Variants in IZUMO3 observed in about 807,000 individuals in gnomAD.
IZUMO3 encodes the protein izumo sperm-egg fusion protein 3.
IZUMO3 carries 36 observed loss-of-function variants against 28.4 expected under a neutral mutation model. The observed-to-expected ratio is 1.27, with a 90% CI of 0.97 to 1.67. IZUMO3 has a LOEUF of 1.67. Among genes scored for constraint, IZUMO3 ranks in the 40% most tolerant of loss-of-function variants. IZUMO3 has a pLI of 0.00. For missense variants in IZUMO3, 387 were observed against 278.5 expected, an observed-to-expected ratio of 1.39 and a Z score of -2.77; for synonymous variants, 126 against 99.2, an observed-to-expected ratio of 1.27 and a Z score of -1.61.
Position 24,545,661 on chromosome 9 carries a change from C to A in IZUMO3, c.-12G>T. The A allele has an allele frequency of 1.3e-6, 2 of 1,534,740 alleles. No homozygotes were observed. The highest frequency in any genetic ancestry group is 1.7e-6 in the Non-Finnish European group (2 of 1,146,564). On this transcript the variant is annotated 5_prime_UTR_variant, in exon 1 of 7. Coordinates refer to ENST00000543880, the MANE Select transcript of IZUMO3 (RefSeq NM_001365008.2). ...CACAGGTCACCCATTTCTTTCTTCA[C>A]CCCCGCTCCCCGACAGCAGGTTGTC... is the stretch of plus-strand genomic sequence containing the variant.
In IZUMO3 at chr9:24,545,555, A is replaced by G. The variant is rs1260746168; in HGVS notation, c.95T>C (p.Val32Ala). 3.3e-6 allele frequency: 5 copies of G among 1,535,256 alleles called. No homozygotes were observed. The African/African-American group carries it at 6.8e-5, about 21-fold the overall frequency. Residue 32 changes from valine (V) to alanine (A), a missense_variant, in exon 1 of 7, where the codon GTT (valine) becomes GCT (alanine). Coordinates refer to ENST00000543880, the MANE Select transcript of IZUMO3 (RefSeq NM_001365008.2). Reference protein sequence around the residue: ...LECDPKFIEDVGSLLGNLIPS... With the variant: ...LECDPKFIEDAGSLLGNLIPS... ...TATCAGATTTCCCAGCAAGGAGCCA[A>G]CATCCTCTATAAATTTGGGGTCACA... is the stretch of plus-strand genomic sequence containing the variant.
rs1819569488 is a variant in IZUMO3 at position 24,545,427 on chromosome 9, A to G, written c.223T>C (p.Leu75=). Reference sequence around the variant, plus strand: ...CAGGAACTCAAGCTTCCCTCACCCAACACCCGAAGCCTCTTGTCACTGTGG... The same window carrying G: ...CAGGAACTCAAGCTTCCCTCACCCAGCACCCGAAGCCTCTTGTCACTGTGG... ...VSHSDKRLRV[L]AVQQVVKLRT... The change falls in exon 1 of 7, where the codon TTG becomes CTG. Residue 75 remains leucine (L), a synonymous_variant. Transcript: ENST00000543880. The G allele has an allele frequency of 6.5e-6, 10 of 1,540,146 alleles. No individual in the cohort carries two copies. Among genetic ancestry groups the G allele is most frequent in the African/African-American group, 4.1e-5 (3 of 73,086 alleles).
At chr9:24,544,605 G>C (rs867720843) in intron 4 of IZUMO3, 138 bp downstream of exon 4, 2 of 748,648 alleles carry the variant, frequency 2.7e-6, no homozygotes, top group Admixed American at 5.4e-5. Context: ...ATCAGGTATT[G>C]TTGACGTTAC....
chr9:24,543,459 T>TTTTTTTTTTTTTTTTTTTTTTTTTC (rs1819505359), intron 6 of IZUMO3, 92 bp from the exon 7 acceptor site: 1 of 915,948 alleles, frequency 1.1e-6, no homozygotes, highest in Non-Finnish European at 1.5e-6. Flanking sequence ...TTTTTTTTTT[T>TTTTTTTTTTTTTTTTTTTTTTTTTC]TTTTTTTTTT....
intron 4 of IZUMO3, 77 bp downstream of exon 4, chr9:24,544,666 G>A: frequency 2.4e-6 from 3 of 1,276,010 alleles, no homozygotes; most frequent in Non-Finnish European, 3.3e-6. Context: ...ACAGGTGGGA[G>A]AGATAGGGCC....
rs915501843 is a variant in IZUMO3 at position 24,545,311 on chromosome 9, T to C, written c.227-25A>G. On this transcript the variant is annotated intron_variant, in intron 1 of 6. Coordinates refer to ENST00000543880, the MANE Select transcript of IZUMO3 (RefSeq NM_001365008.2). ...GCTAGAGAGGGAGAGTAAAGGTACATGTAGGGGAATAATTACATCTATGCA... is the reference window on the plus strand; with the variant it reads ...GCTAGAGAGGGAGAGTAAAGGTACACGTAGGGGAATAATTACATCTATGCA... 8 of 1,548,282 alleles carry C rather than the reference T, an allele frequency of 5.2e-6. 1 individual carries two copies. In the East Asian group the frequency reaches 2.0e-4, roughly 38 times the overall value.
intron 6 of IZUMO3, 91 bp from the exon 7 acceptor site, chr9:24,543,458 T>TG: frequency 4.3e-6 from 4 of 926,144 alleles, no homozygotes; most frequent in African/African-American, 3.6e-5. Context: ...TTTTTTTTTT[T>TG]TTTTTTTTTT....
chr9:24,544,730 G>A lies in IZUMO3; in HGVS notation c.409+13C>T, dbSNP rs1232918782. 13 of 1,549,184 alleles carry A rather than the reference G, an allele frequency of 8.4e-6. No individual in the cohort carries two copies. Among genetic ancestry groups the A allele is most frequent in the African/African-American group, 1.4e-5 (1 of 72,984 alleles). Reference sequence around the variant, plus strand: ...GGGCTGAAACCTCAAGGCGTCACATGTACTGTACTCACTGCAATCTTCAGA... The same window carrying A: ...GGGCTGAAACCTCAAGGCGTCACATATACTGTACTCACTGCAATCTTCAGA... On this transcript the variant is annotated intron_variant, in intron 4 of 6. Coordinates refer to ENST00000543880, the MANE Select transcript of IZUMO3 (RefSeq NM_001365008.2).
In IZUMO3 at chr9:24,545,560, C is replaced by G. The variant is rs964630682; in HGVS notation, c.90G>C (p.Glu30Asp). The G allele has an allele frequency of 1.3e-6, 2 of 1,535,378 alleles. No homozygotes were observed. Among genetic ancestry groups the G allele is most frequent in the South Asian group, 2.4e-5 (2 of 84,050 alleles). Reference protein sequence around the residue: ...GCLECDPKFIEDVGSLLGNLI... With the variant: ...GCLECDPKFIDDVGSLLGNLI... ...GATTTCCCAGCAAGGAGCCAACATC[C>G]TCTATAAATTTGGGGTCACATTCTA... The change falls in exon 1 of 7, where the codon GAG becomes GAC. Residue 30 changes from glutamate (E) to aspartate (D), a missense_variant. Coordinates refer to ENST00000543880, the MANE Select transcript of IZUMO3 (RefSeq NM_001365008.2).
At chr9:24,544,342 A>G in intron 4 of IZUMO3, 61 bp from the exon 5 acceptor site, 2 of 1,152,724 alleles carry the variant, frequency 1.7e-6, no homozygotes, top group South Asian at 1.3e-5. Flanking sequence ...TTCCTTAGTC[A>G]TACATCAAGT....
rs1386100270 is a variant in IZUMO3 at position 24,545,739 on chromosome 9, C to G, written c.-90G>C. ...TCCTTCAAAAATCCGGGAATGAGAG[C>G]CTGGTTCTGGATAGTCTGACTCCAC... On this transcript the variant is annotated 5_prime_UTR_variant, in exon 1 of 7. Transcript: ENST00000543880. 8.5e-6 allele frequency: 13 copies of G among 1,533,596 alleles called. No individual in the cohort carries two copies. The highest frequency in any genetic ancestry group is 5.3e-6 in the Non-Finnish European group (6 of 1,141,656). 95.0% of individuals were successfully genotyped at this position (1,533,596 alleles called of 1,614,324 possible).
At position 24,544,773 on chromosome 9, in the gene IZUMO3, CAG is replaced by C; in HGVS notation, c.392-15_392-14del. 5.2e-6 allele frequency: 8 copies of C among 1,549,896 alleles called. No individual in the cohort carries two copies. The highest frequency in any genetic ancestry group is 7.0e-6 in the Non-Finnish European group (8 of 1,146,496). On this transcript the variant is annotated splice_polypyrimidine_tract_variant and intron_variant, in intron 3 of 6. Coordinates refer to ENST00000543880, the MANE Select transcript of IZUMO3 (RefSeq NM_001365008.2). Reference sequence around the variant, plus strand: ...TCTTCAGAACAAGCTAGAAGAGAATCAGAAAGTTCTAATGAGTTTAAAACCAG... The same window carrying C: ...TCTTCAGAACAAGCTAGAAGAGAATCAAAGTTCTAATGAGTTTAAAACCAG...
At chr9:24,544,329 G>A in intron 4 of IZUMO3, 48 bp from the exon 5 acceptor site, 2 of 1,304,264 alleles carry the variant, frequency 1.5e-6, no homozygotes, top group Non-Finnish European at 2.2e-6. Flanking sequence ...CATGGCACGA[G>A]GGTTCCTTAG....
In IZUMO3 at chr9:24,544,398, T is replaced by A. The variant is rs967214578; in HGVS notation, c.410-117A>T. The A allele has an allele frequency of 1.7e-5, 13 of 744,904 alleles. No individual in the cohort carries two copies. The African/African-American group carries it at 2.3e-4, about 13-fold the overall frequency. 46.1% of individuals were successfully genotyped at this position (744,904 alleles called of 1,614,324 possible). On this transcript the variant is annotated intron_variant, in intron 4 of 6. Coordinates refer to ENST00000543880, the MANE Select transcript of IZUMO3 (RefSeq NM_001365008.2). ...CATTCCCAGGACTCTCAAGTTTGCA[T>A]TGCTGTGAATTTCTTCTTCTCCTAG...
At position 24,545,462 on chromosome 9, in the gene IZUMO3, A is replaced by G. The variant is rs1819570309; in HGVS notation, c.188T>C (p.Phe63Ser). 3.9e-6 allele frequency: 6 copies of G among 1,536,544 alleles called. No homozygotes were observed. Among genetic ancestry groups the G allele is most frequent in the Non-Finnish European group, 4.4e-6 (5 of 1,146,758 alleles). ...RQIKEMIHLS[F>S]KVSHSDKRLR... Reference sequence around the variant, plus strand: ...CCTCTTGTCACTGTGGGAGACCTTGAAGCTTAAATGAATCATCTCCTTAAT... The same window carrying G: ...CCTCTTGTCACTGTGGGAGACCTTGGAGCTTAAATGAATCATCTCCTTAAT... Residue 63 changes from phenylalanine to serine, a missense_variant, in exon 1 of 7, where the codon TTC becomes TCC. Transcript: ENST00000543880.
chr9:24,544,653 G>A (rs1819540912), intron 4 of IZUMO3, 90 bp downstream of exon 4: 1 of 1,150,322 alleles, frequency 8.7e-7, no homozygotes, highest in Non-Finnish European at 1.3e-6. Flanking sequence ...GTTTCCCAGT[G>A]TAACAGGTGG....
In IZUMO3 at chr9:24,545,056, A is replaced by G. The variant is rs200973429; in HGVS notation, c.307T>C (p.Phe103Leu). The change falls in exon 3 of 7, where the codon TTT becomes CTT. Residue 103 changes from phenylalanine to leucine, a missense_variant. Phe to Leu is a conservative substitution (Grantham distance 22). Coordinates refer to ENST00000543880, the MANE Select transcript of IZUMO3 (RefSeq NM_001365008.2). ...KLGNETWKGV[F>L]IYQGKLLDVC... is the part of the protein sequence containing the mutation. ...TCGAGAAGCTTGCCTTGATAGATAA[A>G]GACACCTAAGAGGGAGTGGAAGGGG... 7.8e-5 allele frequency: 121 copies of G among 1,548,036 alleles called. No homozygotes were observed. The highest frequency in any genetic ancestry group is 7.8e-5 in the Admixed American group (4 of 50,976).
Position 24,545,205 on chromosome 9 carries a change from A to T in IZUMO3, c.301+7T>A, listed in dbSNP as rs1348708433. 4 of 1,547,912 alleles carry T rather than the reference A, an allele frequency of 2.6e-6. No individual in the cohort carries two copies. Among genetic ancestry groups the T allele is most frequent in the Non-Finnish European group, 3.5e-6 (4 of 1,144,730 alleles). On this transcript the variant is annotated splice_region_variant and intron_variant, in intron 2 of 6. Coordinates refer to ENST00000543880, the MANE Select transcript of IZUMO3 (RefSeq NM_001365008.2). ...TACAAACTTTTAACATTGAAACAGT[A>T]CCTCACCTTTCCATGTTTCATTGCC...
rs984029105 is a variant in IZUMO3, at chr9:24,543,298, C to T, written c.651G>A (p.Glu217=). The change falls in exon 7 of 7, where the codon GAG becomes GAA. Residue 217 remains glutamate (E), a synonymous_variant. Transcript: ENST00000543880. ...AIRRSLKEYV[E]KKLEELMGKI... ...TCCCCATTAATTCTTCAAGTTTCTT[C>T]TCCACATATTCCTTTAGCGACCTTC... 6.3e-5 allele frequency: 97 copies of T among 1,548,748 alleles called. No homozygotes were observed. The highest frequency in any genetic ancestry group is 8.0e-5 in the Non-Finnish European group (92 of 1,145,924).
Sources: allele counts gnomAD v4.1 joint callset, GRCh38; gene constraint gnomAD v4.1.1; transcripts MANE v1.5; gene names NCBI Gene and HGNC (gene_info 2026-07-23, HGNC 2026-07-21).